Variants in FLRT2 observed in about 807,000 individuals in gnomAD.
FLRT2 encodes fibronectin leucine rich transmembrane protein 2.
Under a neutral mutation model 40.0 loss-of-function variants are expected in FLRT2, and 15 were observed. The observed-to-expected ratio is 0.38, with a 90% CI of 0.25 to 0.58. The LOEUF (loss-of-function observed/expected upper bound fraction) is 0.58. Among genes scored for constraint, FLRT2 ranks in the 20% least tolerant of loss-of-function variants. The probability of loss-of-function intolerance (pLI) is 0.71; values close to 1 mark genes in which losing one functional copy is unlikely to be tolerated. For missense variants in FLRT2, 726 were observed against 840.0 expected, an observed-to-expected ratio of 0.86 and a Z score of 1.68; for synonymous variants, 380 against 336.8, an observed-to-expected ratio of 1.13 and a Z score of -1.41.
At chr14:85,599,658 T>G (rs1892297696) in intron 1 of FLRT2, among the ~76,000 whole-genome samples, 1 of 152,222 alleles carries the variant, frequency 6.6e-6, no homozygotes, top group African/African-American at 2.4e-5. Context: ...AATTAATCTT[T>G]AATCAGTTCA....
At chr14:85,560,537 C>T (rs1890241248) in intron 1 of FLRT2, among the ~76,000 whole-genome samples, 1 of 151,808 alleles carries the variant, frequency 6.6e-6, no homozygotes, top group African/African-American at 2.4e-5. Context: ...GCCGAGATCG[C>T]ACCACTGCAC....
chr14:85,647,304 T>G lies in FLRT2; in HGVS notation c.*23807T>G, dbSNP rs4015973. ...TTTACTAACTTACTTAACAGAGGAG[T>G]TTTGTTTTCTTGTTATCTGTAGCAG... On this transcript the variant is annotated 3_prime_UTR_variant, in exon 2 of 2. Coordinates refer to ENST00000330753, the MANE Select transcript of FLRT2 (RefSeq NM_013231.6). 2 of 152,052 alleles carry G rather than the reference T, an allele frequency of 1.3e-5. No homozygotes were observed. The highest frequency in any genetic ancestry group is 1.3e-4 in the Admixed American group (2 of 15,230). 9.4% of individuals were successfully genotyped at this position (152,052 alleles called of 1,614,324 possible).
chr14:85,559,212 G>A (rs1044523082), intron 1 of FLRT2: 1 of 152,240 alleles, frequency 6.6e-6, no homozygotes, highest in African/African-American at 2.4e-5. Flanking sequence ...CTTCTTCACA[G>A]TCTGATGGGG....
In FLRT2 at chr14:85,647,973, C is replaced by T. The variant is rs560329376; in HGVS notation, c.*24476C>T. 1 of 152,216 alleles carries T rather than the reference C, an allele frequency of 6.6e-6. No individual in the cohort carries two copies. Among genetic ancestry groups the T allele is most frequent in the East Asian group, 1.9e-4 (1 of 5,174 alleles). 9.4% of individuals were successfully genotyped at this position (152,216 alleles called of 1,614,324 possible). On this transcript the variant is annotated 3_prime_UTR_variant, in exon 2 of 2. Transcript: ENST00000330753. ...TAACTACTCCTGTTCTCTTCTTTGC[C>T]TTGTTATGCATGTACTGACTTTTTA...
chr14:85,578,377 AG>A (rs1026646974), intron 1 of FLRT2, among the ~76,000 whole-genome samples: 10 of 151,978 alleles, frequency 6.6e-5, no homozygotes, highest in Non-Finnish European at 1.3e-4. Flanking sequence ...TATATTAACT[AG>A]GCAGTGTAAA....
intron 1 of FLRT2, among the ~76,000 whole-genome samples, chr14:85,564,303 G>C (rs1306213021): frequency 6.6e-6 from 1 of 152,094 alleles, no homozygotes; most frequent in Non-Finnish European, 1.5e-5. Context: ...CAGTTTAGAA[G>C]CTTTAACAAT....
intron 1 of FLRT2, among the ~76,000 whole-genome samples, chr14:85,556,183 G>C (rs1889949040): frequency 6.6e-6 from 1 of 152,064 alleles, no homozygotes; most frequent in Non-Finnish European, 1.5e-5. Flanking sequence ...TGGTATCCTA[G>C]AGACAACTAT....
At chr14:85,616,278 A>G (rs1319355905) in intron 1 of FLRT2, among the ~76,000 whole-genome samples, 1 of 151,274 alleles carries the variant, frequency 6.6e-6, no homozygotes, top group Non-Finnish European at 1.5e-5. Flanking sequence ...GAAGCAACAT[A>G]TTCAATACAG....
chr14:85,611,226 T>A (rs1342340133), intron 1 of FLRT2, among the ~76,000 whole-genome samples: 1 of 150,152 alleles, frequency 6.7e-6, no homozygotes, highest in African/African-American at 2.5e-5. Context: ...ACTTTATCTG[T>A]CTTGCTCACC....
chr14:85,537,768 A>G (rs528457129), intron 1 of FLRT2, among the ~76,000 whole-genome samples: 1 of 152,220 alleles, frequency 6.6e-6, no homozygotes, highest in South Asian at 2.1e-4. Flanking sequence ...CTCATGGAAC[A>G]GTAAAACACT....
Position 85,650,022 on chromosome 14 carries a change from T to C in FLRT2, c.*26525T>C, listed in dbSNP as rs925537953. The C allele has an allele frequency of 6.6e-6, 1 of 152,004 alleles. No individual in the cohort carries two copies. Among genetic ancestry groups the C allele is most frequent in the African/African-American group, 2.4e-5 (1 of 41,420 alleles). The allele number at this position is 152,004 out of a possible 1,614,324, so 9.4% of individuals were successfully genotyped here. A position where few individuals can be genotyped will look rare whatever the true frequency, so the allele number is the denominator to read the frequency against. On this transcript the variant is annotated 3_prime_UTR_variant, in exon 2 of 2. Coordinates refer to ENST00000330753, the MANE Select transcript of FLRT2 (RefSeq NM_013231.6). ...ATCAACCAGCTTTGTCTGAAATTAA[T>C]ATCATCCTAAATTTGCTTCATTGCT...
chr14:85,623,260 C>T lies in FLRT2; in HGVS notation c.1746C>T (p.Gly582=), dbSNP rs760931392. 5 of 1,515,718 alleles carry T rather than the reference C, an allele frequency of 3.3e-6. No individual in the cohort carries two copies. The Admixed American group carries it at 1.1e-4, about 34-fold the overall frequency. The allele number at this position is 1,515,718 out of a possible 1,614,324, so 93.9% of individuals were successfully genotyped here. A position where few individuals can be genotyped will look rare whatever the true frequency, so the allele number is the denominator to read the frequency against. Residue 582 remains glycine, a synonymous_variant, in exon 2 of 2, where the codon GGC becomes GGT. Transcript: ENST00000330753. The part of the protein sequence containing the change: ...YTSQKWKYNR[G]RRKDDYCEAG... ...CCCAGAAGTGGAAATACAACCGGGG[C>T]CGGCGGAAAGATGATTATTGCGAGG...
intron 1 of FLRT2, among the ~76,000 whole-genome samples, chr14:85,544,528 A>G (rs1889170196): frequency 1.3e-5 from 2 of 152,136 alleles, no homozygotes. Context: ...TCCTAGGCCC[A>G]TTATTTCCTG....
At chr14:85,557,648 C>A (rs1397058545) in intron 1 of FLRT2, among the ~76,000 whole-genome samples, 2 of 152,018 alleles carry the variant, frequency 1.3e-5, no homozygotes, top group Non-Finnish European at 2.9e-5. Context: ...AAAATTTAGT[C>A]TCTACTGAAA....
intron 1 of FLRT2, among the ~76,000 whole-genome samples, chr14:85,538,504 A>C (rs1443967756): frequency 1.3e-5 from 2 of 150,786 alleles, no homozygotes; most frequent in Non-Finnish European, 3.0e-5. Flanking sequence ...ATGTGCAAGA[A>C]ACTTGGAAAA....
chr14:85,615,569 T>A (rs1461525540), intron 1 of FLRT2, among the ~76,000 whole-genome samples: 1 of 152,152 alleles, frequency 6.6e-6, no homozygotes, highest in Non-Finnish European at 1.5e-5. Context: ...AATGATCAAC[T>A]TCCGGGGGCT....
intron 1 of FLRT2, among the ~76,000 whole-genome samples, chr14:85,592,281 G>A (rs1026451967): frequency 2.0e-5 from 3 of 152,100 alleles, no homozygotes; most frequent in African/African-American, 4.8e-5. Context: ...GTTACATCCC[G>A]AAAACCACAT....
chr14:85,605,954 G>A (rs2753622), intron 1 of FLRT2, among the ~76,000 whole-genome samples: 24,971 of 151,786 alleles, frequency 0.16, 2,575 homozygotes, highest in East Asian at 0.54. Flanking sequence ...ATTATATTGA[G>A]ATGAAAGATT....
At chr14:85,614,411 G>A (rs1893031375) in intron 1 of FLRT2, among the ~76,000 whole-genome samples, 1 of 152,086 alleles carries the variant, frequency 6.6e-6, no homozygotes, top group African/African-American at 2.4e-5. Flanking sequence ...GGTTAAGTCA[G>A]GTGCCCTTTG....
Sources: gnomAD v4.1 joint callset for allele counts (sites outside exome capture counted in the v4.1 genomes callset) on GRCh38, gnomAD v4.1.1 for gene constraint, MANE v1.5 for transcripts, NCBI Gene and HGNC (gene_info 2026-07-23, HGNC 2026-07-21) for gene names.